CTXND2: variants seen among roughly 807,000 people sequenced by gnomAD.
CTXND2 encodes the protein cortexin domain containing 2.
At chr1:150,889,870 A>G (rs1175496549) in intron 1 of CTXND2, among the ~76,000 whole-genome samples, 2 of 152,114 alleles carry the variant, frequency 1.3e-5, no homozygotes, top group East Asian at 3.8e-4. Context: ...CACTGAATCC[A>G]TGCTATGAAT....
At chr1:150,900,280 C>A (rs1318861214) in intron 1 of CTXND2, among the ~76,000 whole-genome samples, 1 of 151,698 alleles carries the variant, frequency 6.6e-6, no homozygotes, top group African/African-American at 2.4e-5. Context: ...CTCCGGACTG[C>A]CACCTTTAAG....
chr1:150,911,579 C>T (rs1215003280), intron 1 of CTXND2, among the ~76,000 whole-genome samples: 1 of 151,968 alleles, frequency 6.6e-6, no homozygotes, highest in African/African-American at 2.4e-5. Flanking sequence ...ATTACAGGTG[C>T]CCGCCATCAC....
exon 2 of CTXND2, chr1:150,912,282 G>A (rs1488987976): frequency 2.5e-6 from 1 of 398,426 alleles, no homozygotes; most frequent in East Asian, 3.6e-5. Flanking sequence ...GAATTAGCTG[G>A]AGCTGGACAA....
chr1:150,898,833 T>C (rs765128557), intron 1 of CTXND2, among the ~76,000 whole-genome samples: 1 of 130,180 alleles, frequency 7.7e-6, no homozygotes, highest in African/African-American at 2.9e-5. Flanking sequence ...ATCCCAACAC[T>C]CTGGGAAGCC....
intron 1 of CTXND2, among the ~76,000 whole-genome samples, chr1:150,898,754 CAAAAAAAA>C (rs34434799): frequency 2.5e-5 from 2 of 81,214 alleles, no homozygotes; most frequent in Non-Finnish European, 4.8e-5. Flanking sequence ...GATTCTGACT[CAAAAAAAA>C]AAAAAAAAGA....
intron 1 of CTXND2, among the ~76,000 whole-genome samples, chr1:150,892,924 G>A (rs1328943948): frequency 6.6e-6 from 1 of 152,084 alleles, no homozygotes; most frequent in Non-Finnish European, 1.5e-5. Flanking sequence ...ATCCTGATGG[G>A]ATTTTGGTGG....
In CTXND2 at chr1:150,889,176, G is replaced by A. The variant is rs587769465; in HGVS notation, c.-74+1863G>A. 1.8e-4 allele frequency among the ~76,000 whole-genome samples: 28 copies of A among 152,088 alleles called. 1 individual carries two copies. The South Asian group carries it at 4.2e-3, about 23-fold the overall frequency. ...TGTAATCCCAGCACTCTGGGAAGCC[G>A]AAGCGGGCGGATCACGAGGTCAGGA... On this transcript the variant is annotated intron_variant, in intron 1 of 1. Transcript: ENST00000636087.
intron 1 of CTXND2, among the ~76,000 whole-genome samples, chr1:150,905,816 C>A (rs1015129145): frequency 1.3e-5 from 2 of 151,500 alleles, no homozygotes; most frequent in African/African-American, 4.9e-5. Context: ...CGGTGAAACC[C>A]CATCTTTACT....
At chr1:150,900,070 G>A (rs1031169395) in intron 1 of CTXND2, among the ~76,000 whole-genome samples, 7 of 152,114 alleles carry the variant, frequency 4.6e-5, no homozygotes, top group East Asian at 1.9e-4. Context: ...AAAGCTGGCC[G>A]CCTGAGCCAG....
intron 1 of CTXND2, among the ~76,000 whole-genome samples, chr1:150,893,291 T>C (rs1402063133): frequency 6.6e-6 from 1 of 152,196 alleles, no homozygotes. Flanking sequence ...AGTAAACTTT[T>C]GTTTTCTTCT....
chr1:150,888,427 G>T (rs1015625723), intron 1 of CTXND2, among the ~76,000 whole-genome samples: 1 of 151,682 alleles, frequency 6.6e-6, no homozygotes, highest in Admixed American at 6.6e-5. Flanking sequence ...TGTTGGCCAG[G>T]CTGGTCTCGA....
chr1:150,902,212 T>C (rs1171826746), intron 1 of CTXND2, among the ~76,000 whole-genome samples: 1 of 151,902 alleles, frequency 6.6e-6, no homozygotes, highest in Non-Finnish European at 1.5e-5. Context: ...CCATCCTGGA[T>C]AACACAGTGA....
intron 1 of CTXND2, among the ~76,000 whole-genome samples, chr1:150,895,063 A>G (rs587738992): frequency 2.0e-5 from 3 of 151,840 alleles, no homozygotes; most frequent in East Asian, 1.9e-4. Flanking sequence ...ACATATATAT[A>G]TATATGATGC....
intron 1 of CTXND2, among the ~76,000 whole-genome samples, chr1:150,911,240 G>T (rs2102605694): frequency 6.6e-6 from 1 of 152,028 alleles, no homozygotes; most frequent in Admixed American, 6.6e-5. Flanking sequence ...GAGCCACCGT[G>T]CCTGGCCCTG....
intron 1 of CTXND2, among the ~76,000 whole-genome samples, chr1:150,893,238 C>T (rs1041982450): frequency 1.3e-5 from 2 of 152,102 alleles, no homozygotes; most frequent in African/African-American, 4.8e-5. Flanking sequence ...AATTATCTCA[C>T]ATTTTTCTTT....
At chr1:150,898,853 G>A (rs587608867) in intron 1 of CTXND2, among the ~76,000 whole-genome samples, 4 of 150,250 alleles carry the variant, frequency 2.7e-5, no homozygotes, top group Admixed American at 1.3e-4. Flanking sequence ...CCAGGCGGGC[G>A]GATCACGAGG....
At chr1:150,912,468 C>G in exon 2 of CTXND2, 1 of 398,582 alleles carries the variant, frequency 2.5e-6, no homozygotes, top group Non-Finnish European at 4.4e-6. Context: ...AACCACAGAA[C>G]CATCTCTGAG....
chr1:150,908,526 A>C (rs1669193122), intron 1 of CTXND2, among the ~76,000 whole-genome samples: 1 of 152,176 alleles, frequency 6.6e-6, no homozygotes, highest in Non-Finnish European at 1.5e-5. Context: ...ACCATTTAAA[A>C]AATGTGTTTA....
At chr1:150,903,589 G>A (rs1214812936) in intron 1 of CTXND2, among the ~76,000 whole-genome samples, 1 of 151,878 alleles carries the variant, frequency 6.6e-6, no homozygotes, top group African/African-American at 2.4e-5. Flanking sequence ...CAGGAGGTCA[G>A]GAGTTCAAGA....
Sources: gnomAD v4.1 joint callset for allele counts (sites outside exome capture counted in the v4.1 genomes callset) on GRCh38, gnomAD v4.1.1 for gene constraint, MANE v1.5 for transcripts, NCBI Gene and HGNC (gene_info 2026-07-23, HGNC 2026-07-21) for gene names.